The following CUL2 variants were observed in gnomAD, a reference collection of about 807,000 sequenced individuals.
CUL2 encodes the protein cullin 2.
In CUL2, 22 loss-of-function variants were observed where a neutral mutation model predicts 110.2. The observed-to-expected ratio is 0.20, with a 90% CI of 0.14 to 0.28. CUL2 has a LOEUF of 0.28. Among genes scored for constraint, CUL2 ranks in the 10% least tolerant of loss-of-function variants. CUL2 has a pLI of 1.00. For synonymous variants in CUL2, 279 were observed against 293.2 expected (o/e 0.95, Z 0.49); for missense variants, 631 against 905.5 (o/e 0.70, Z 3.89).
At chr10:35,085,579 T>C (rs1445289097) in intron 1 of CUL2, among the ~76,000 whole-genome samples, 1 of 136,988 alleles carries the variant, frequency 7.3e-6, no homozygotes, top group Admixed American at 7.6e-5. Context: ...TCCATCTCTA[T>C]GAAAAATACA....
intron 1 of CUL2, among the ~76,000 whole-genome samples, chr10:35,121,558 G>A (rs2087678668): frequency 6.6e-6 from 1 of 152,210 alleles, no homozygotes. Context: ...GGCTGAGAGA[G>A]GCGCTAAGGC....
At chr10:35,019,383 CAAT>C (rs2085127800) in intron 17 of CUL2, among the ~76,000 whole-genome samples, 1 of 152,052 alleles carries the variant, frequency 6.6e-6, no homozygotes, top group South Asian at 2.1e-4. Context: ...TGCTATTTTT[CAAT>C]ACTCTACCAG....
intron 2 of CUL2, among the ~76,000 whole-genome samples, chr10:35,095,706 A>G (rs1401649553): frequency 6.6e-6 from 1 of 152,028 alleles, no homozygotes; most frequent in Non-Finnish European, 1.5e-5. Flanking sequence ...CTACAGGCAC[A>G]TGCCAATACA....
Position 35,031,296 on chromosome 10 carries a change from T to C in CUL2, c.1386+4A>G, listed in dbSNP as rs768037297. 30 of 1,556,596 alleles carry C rather than the reference T, an allele frequency of 1.9e-5. No homozygotes were observed. Among genetic ancestry groups the C allele is most frequent in the Non-Finnish European group, 2.4e-5 (28 of 1,144,630 alleles). On this transcript the variant is annotated splice_donor_region_variant and intron_variant, in intron 14 of 20. Transcript: ENST00000374749. This position sits in a 1 kb window ranked among gnomAD's most constrained non-coding sequence, Gnocchi z 4.4. ...GACAATACCACATTAAAGACTTACA[T>C]TACCTTTAATTTGTTGATCATGGCT...
intron 1 of CUL2, chr10:35,073,934 C>G: frequency 1.5e-6 from 1 of 666,998 alleles, no homozygotes; most frequent in Non-Finnish European, 2.7e-6. Context: ...AATAAGAAAA[C>G]TGAGTCACAA....
Position 35,060,944 on chromosome 10 carries a change from C to T in CUL2, c.247G>A (p.Val83Ile). Reference sequence around the variant, plus strand: ...CAGTACCTATGATACATAACAAGTACTTGTTCTTCTGACTCCAAAACTCTC... The same window carrying T: ...CAGTACCTATGATACATAACAAGTATTTGTTCTTCTGACTCCAAAACTCTC... ...HKRVLESEEQ[V>I]LVMYHRYWEE... Residue 83 changes from valine to isoleucine, a missense_variant, in exon 4 of 21, where the codon GTA becomes ATA. This residue lies in a region of CUL2 where 338 missense variants were observed against 442.5 expected (regional missense o/e 0.76). Transcript: ENST00000374749. The T allele has an allele frequency of 6.2e-7, 1 of 1,613,666 alleles. No individual in the cohort carries two copies. Among genetic ancestry groups the T allele is most frequent in the Non-Finnish European group, 8.5e-7 (1 of 1,179,862 alleles).
chr10:35,021,700 CT>C (rs2085193031), intron 17 of CUL2, among the ~76,000 whole-genome samples: 1 of 151,224 alleles, frequency 6.6e-6, no homozygotes, highest in Admixed American at 6.6e-5. Context: ...TGACCTCAGC[CT>C]CCCAAGTAGC....
chr10:35,060,415 A>G (rs2086352228), intron 4 of CUL2, among the ~76,000 whole-genome samples: 1 of 152,226 alleles, frequency 6.6e-6, no homozygotes, highest in South Asian at 2.1e-4. Context: ...ATATGCCTAG[A>G]CCATGGGGAA....
In CUL2 at chr10:35,126,109, C is replaced by G. The variant is rs181257891; in HGVS notation, c.-51+496G>C. Among the ~76,000 whole-genome samples the G allele has an allele frequency of 1.9e-3, 291 of 151,974 alleles. 3 individuals carry two copies. The highest frequency in any genetic ancestry group is 6.8e-3 in the African/African-American group (280 of 41,342). On this transcript the variant is annotated intron_variant, in intron 1 of 5. Coordinates refer to the CUL2 transcript ENST00000685421. ...AATGCTGGGATTACAGGCGTGAGCC[C>G]CCGGCCGACCTTTCTAATCTAAAAA...
intron 20 of CUL2, among the ~76,000 whole-genome samples, chr10:35,011,487 G>A (rs952318763): frequency 1.3e-5 from 2 of 152,048 alleles, no homozygotes; most frequent in Non-Finnish European, 2.9e-5. Context: ...GTATGGTGGT[G>A]CACGCCTGTA....
chr10:35,098,101 C>T (rs2087324233), intron 2 of CUL2: 1 of 152,100 alleles, frequency 6.6e-6, no homozygotes, highest in South Asian at 2.1e-4. Context: ...CTTTGCCTCT[C>T]CTAGACAATT....
chr10:35,029,616 T>C lies in CUL2; in HGVS notation c.1411A>G (p.Ser471Gly). 6.3e-7 allele frequency: 1 copy of C among 1,591,076 alleles called. No homozygotes were observed. Among genetic ancestry groups the C allele is most frequent in the Admixed American group, 1.9e-5 (1 of 52,826 alleles). ...LKQACGYEFT[S>G]KLHRMYTDMS... ...TCTGTATACATCCGATGTAGCTTGCTGGTAAACTCATAACCACAGGCTTGC... is the reference window on the plus strand; with the variant it reads ...TCTGTATACATCCGATGTAGCTTGCCGGTAAACTCATAACCACAGGCTTGC... Residue 471 changes from serine to glycine, a missense_variant, in exon 15 of 21, where the codon AGC becomes GGC. Ser to Gly is a moderately conservative substitution (Grantham distance 56). Coordinates refer to ENST00000374749, the MANE Select transcript of CUL2 (RefSeq NM_003591.4).
In CUL2 at chr10:35,044,575, A is replaced by G; in HGVS notation, c.705T>C (p.Tyr235=). ...NLLQESNCSQ[Y]MEKVLGRLKD... is the part of the protein sequence containing the mutation. ...ATGTTTTATTTCTTACCTTTTCCAT[A>G]TACTGTGAGCAGTTTGATTCTTGTA... The change falls in exon 8 of 21, where the codon TAT becomes TAC. Residue 235 remains tyrosine (Y), a synonymous_variant. Transcript: ENST00000374749. 6.3e-7 allele frequency: 1 copy of G among 1,588,644 alleles called. No individual in the cohort carries two copies. The highest frequency in any genetic ancestry group is 8.6e-7 in the Non-Finnish European group (1 of 1,163,028).
chr10:35,012,841 G>C (rs998901511), intron 19 of CUL2, among the ~76,000 whole-genome samples: 1 of 152,098 alleles, frequency 6.6e-6, no homozygotes, highest in Non-Finnish European at 1.5e-5. Context: ...AAGCATAAGT[G>C]ATAGAAACAG....
At chr10:35,047,437 C>T (rs1158322388) in intron 6 of CUL2, among the ~76,000 whole-genome samples, 2 of 150,824 alleles carry the variant, frequency 1.3e-5, no homozygotes, top group East Asian at 1.9e-4. Flanking sequence ...GGTGAAACCC[C>T]GTCTCCACTA....
chr10:35,049,254 TA>T (rs897488009), intron 6 of CUL2, among the ~76,000 whole-genome samples: 6 of 152,158 alleles, frequency 3.9e-5, no homozygotes, highest in Non-Finnish European at 8.8e-5. Context: ...TTAGGCAAGT[TA>T]TTGATTATAA....
intron 9 of CUL2, among the ~76,000 whole-genome samples, chr10:35,037,970 T>C (rs2134756695): frequency 1.3e-5 from 2 of 151,580 alleles, no homozygotes; most frequent in Middle Eastern, 3.5e-3. Context: ...GAGGCCAACA[T>C]GGTGACACCC....
intron 1 of CUL2, 54 bp from the exon 2 acceptor site, chr10:35,071,393 T>C: frequency 6.7e-7 from 1 of 1,500,514 alleles, no homozygotes; most frequent in Non-Finnish European, 9.2e-7. Flanking sequence ...AGCTTAGTTT[T>C]TTTGTTGTTG....
rs7897024 is a variant in CUL2, at chr10:35,049,745, C to T, written c.444G>A (p.Arg148=). 9,638 of 1,612,868 alleles carry T rather than the reference C, an allele frequency of 6.0e-3. 445 individuals are homozygous for T. In the African/African-American group the frequency reaches 0.11, roughly 18 times the overall value. The change falls in exon 6 of 21, where the codon AGG becomes AGA. Residue 148 remains arginine (R), a synonymous_variant. Coordinates refer to ENST00000374749, the MANE Select transcript of CUL2 (RefSeq NM_003591.4). ...CCTGAAGTGGTTCAACCATCAATTT[C>T]CTCCACATATCCAATGCTAGCTGCC... The part of the protein sequence containing the change: ...EIGELALDMW[R]KLMVEPLQAI...
Sources: allele counts gnomAD v4.1 joint callset (sites outside exome capture counted in the v4.1 genomes callset), GRCh38; gene constraint gnomAD v4.1.1; regional missense constraint gnomAD v4.1.1; non-coding constraint Gnocchi (gnomAD v3.1); transcripts MANE v1.5; gene names NCBI Gene and HGNC (gene_info 2026-07-23, HGNC 2026-07-21).